PGCKA1: variants seen among roughly 807,000 people sequenced by gnomAD.
PGCKA1 encodes the protein PDCD10 and GCKIII kinases-associated protein 1.
At chr4:37,485,293 A>T in the PGCKA1 span, among the ~76,000 whole-genome samples, 1 of 152,206 alleles carries the variant, frequency 6.6e-6, no homozygotes, top group African/African-American at 2.4e-5. Context: ...CCAGAGCCAC[A>T]GTGTTGAGAG....
chr4:37,468,434 T>G, the PGCKA1 span, among the ~76,000 whole-genome samples: 8 of 152,282 alleles, frequency 5.3e-5, no homozygotes, highest in African/African-American at 1.9e-4. Flanking sequence ...CCAGGGGCAA[T>G]TAGGGAGTTG....
At chr4:37,499,820 G>A in the PGCKA1 span, among the ~76,000 whole-genome samples, 16 of 147,948 alleles carry the variant, frequency 1.1e-4, 1 homozygote, top group Non-Finnish European at 1.5e-5. Context: ...TTTGATTTTG[G>A]TTATTTCTTG....
At chr4:37,469,826 T>G in the PGCKA1 span, among the ~76,000 whole-genome samples, 1 of 152,226 alleles carries the variant, frequency 6.6e-6, no homozygotes, top group African/African-American at 2.4e-5. Flanking sequence ...GTCAGTCTGC[T>G]CTGAAACTCA....
chr4:37,510,475 G>T, the PGCKA1 span, among the ~76,000 whole-genome samples: 1 of 152,184 alleles, frequency 6.6e-6, no homozygotes, highest in South Asian at 2.1e-4. Context: ...GTACCACCTT[G>T]GTGGCCCTGA....
At chr4:37,512,288 C>G in the PGCKA1 span, among the ~76,000 whole-genome samples, 1 of 152,002 alleles carries the variant, frequency 6.6e-6, no homozygotes, top group African/African-American at 2.4e-5. Flanking sequence ...GGGGAACCCT[C>G]TGTTCATCCA....
chr4:37,591,148 G>C, the PGCKA1 span: 2 of 652,698 alleles, frequency 3.1e-6, no homozygotes, highest in Non-Finnish European at 5.2e-6. Context: ...CTGATTGTCA[G>C]CATCTGTCCC....
At chr4:37,509,625 A>T in the PGCKA1 span, among the ~76,000 whole-genome samples, 1 of 151,248 alleles carries the variant, frequency 6.6e-6, no homozygotes, top group African/African-American at 2.4e-5. Flanking sequence ...TGGGAGGTGG[A>T]GGTTGTAGCG....
chr4:37,466,826 G>A, the PGCKA1 span, among the ~76,000 whole-genome samples: 11 of 152,180 alleles, frequency 7.2e-5, no homozygotes, highest in Non-Finnish European at 1.6e-4. Flanking sequence ...GGCCAAGCAC[G>A]CTGGCTTATA....
chr4:37,569,651 C>T, the PGCKA1 span, among the ~76,000 whole-genome samples: 23 of 152,190 alleles, frequency 1.5e-4, no homozygotes, highest in Non-Finnish European at 3.4e-4. Flanking sequence ...TTCTACAAAA[C>T]ATGAGATCTG....
chr4:37,460,968 G>T, the PGCKA1 span: 1 of 342,910 alleles, frequency 2.9e-6, no homozygotes. Flanking sequence ...TATGGTTTTG[G>T]GTTTTACATT....
chr4:37,542,072 T>C, the PGCKA1 span, among the ~76,000 whole-genome samples: 349 of 152,276 alleles, frequency 2.3e-3, 2 homozygotes, highest in African/African-American at 7.2e-3. Flanking sequence ...GCATCTTCCA[T>C]TGGACAGGCC....
chr4:37,461,580 G>A, the PGCKA1 span, among the ~76,000 whole-genome samples: 1 of 151,996 alleles, frequency 6.6e-6, no homozygotes, highest in Non-Finnish European at 1.5e-5. Flanking sequence ...TGAAAGCTTG[G>A]ACGCTGGGCT....
chr4:37,483,272 G>A, the PGCKA1 span, among the ~76,000 whole-genome samples: 3 of 152,276 alleles, frequency 2.0e-5, no homozygotes, highest in South Asian at 6.2e-4. Context: ...TGAACTGTGA[G>A]TCAATTAAAC....
the PGCKA1 span, among the ~76,000 whole-genome samples, chr4:37,518,988 G>T: frequency 6.6e-6 from 1 of 152,114 alleles, no homozygotes; most frequent in African/African-American, 2.4e-5. Context: ...TCTGTATATG[G>T]ATATCCAGTC....
the PGCKA1 span, among the ~76,000 whole-genome samples, chr4:37,493,463 G>A: frequency 6.6e-6 from 1 of 152,072 alleles, no homozygotes; most frequent in Non-Finnish European, 1.5e-5. Flanking sequence ...CTTTATCCAT[G>A]GAGTCACAGC....
the PGCKA1 span, among the ~76,000 whole-genome samples, chr4:37,549,832 C>G: frequency 0.15 from 23,049 of 151,916 alleles, 2,172 homozygotes; most frequent in East Asian, 0.43. Context: ...TGCAAAGTGA[C>G]TCTGAAGAAG....
chr4:37,518,555 C>T, the PGCKA1 span, among the ~76,000 whole-genome samples: 15 of 152,142 alleles, frequency 9.9e-5, 1 homozygote, highest in Non-Finnish European at 8.8e-5. Flanking sequence ...TGCCTATTTG[C>T]CATTTGTATG....
chr4:37,473,191 TTATAA>T, the PGCKA1 span, among the ~76,000 whole-genome samples: 1 of 152,168 alleles, frequency 6.6e-6, no homozygotes, highest in African/African-American at 2.4e-5. Flanking sequence ...AATTATTTCC[TTATAA>T]TATAGTGTTC....
the PGCKA1 span, among the ~76,000 whole-genome samples, chr4:37,575,717 G>A: frequency 6.6e-6 from 1 of 151,968 alleles, no homozygotes; most frequent in Admixed American, 6.6e-5. Context: ...TCTTGTAGTA[G>A]TTTCATAGTG....
Sources: gnomAD v4.1 joint callset for allele counts (sites outside exome capture counted in the v4.1 genomes callset) on GRCh38, gnomAD v4.1.1 for gene constraint, MANE v1.5 for transcripts, NCBI Gene and HGNC (gene_info 2026-07-23, HGNC 2026-07-21) for gene names.